PP2D1: variants seen among roughly 807,000 people sequenced by gnomAD.
PP2D1 encodes protein phosphatase 2C-like domain-containing protein 1.
Under a neutral mutation model 30.2 loss-of-function variants are expected in PP2D1, and 25 were observed. The ratio of observed to expected loss-of-function variants is 0.83; its 90% CI spans 0.60 to 1.16. The LOEUF (loss-of-function observed/expected upper bound fraction) is 1.16. Ranked by LOEUF, PP2D1 falls within the 50% of genes most tolerant of loss-of-function variation. The pLI is 0.00. For missense variants in PP2D1, 760 were observed against 742.4 expected, an observed-to-expected ratio of 1.02 and a Z score of -0.28; for synonymous variants, 260 against 258.9, an observed-to-expected ratio of 1.00 and a Z score of -0.04.
At position 20,002,112 on chromosome 3, in the gene PP2D1, A is replaced by C; in HGVS notation, c.24-16T>G. The C allele has an allele frequency of 6.7e-7, 1 of 1,489,936 alleles. No individual in the cohort carries two copies. Among genetic ancestry groups the C allele is most frequent in the Non-Finnish European group, 9.0e-7 (1 of 1,108,980 alleles). The allele number at this position is 1,489,936 out of a possible 1,614,324, so 92.3% of individuals were successfully genotyped here. A position where few individuals can be genotyped will look rare whatever the true frequency, so the allele number is the denominator to read the frequency against. ...CCAAAACACTCTGCAAACAGGATGAAAGATATTTACATGCCAGGATGATGC... is the reference window on the plus strand; with the variant it reads ...CCAAAACACTCTGCAAACAGGATGACAGATATTTACATGCCAGGATGATGC... On this transcript the variant is annotated splice_polypyrimidine_tract_variant and intron_variant, in intron 1 of 2. Transcript: ENST00000389050.
intron 2 of PP2D1, among the ~76,000 whole-genome samples, chr3:20,000,550 C>T (rs1697238149): frequency 6.6e-6 from 1 of 152,172 alleles, no homozygotes; most frequent in Non-Finnish European, 1.5e-5. Flanking sequence ...AACTATTATT[C>T]TCTCTGAGAT....
At chr3:19,992,727 T>C (rs1697133022) in intron 2 of PP2D1, among the ~76,000 whole-genome samples, 2 of 152,264 alleles carry the variant, frequency 1.3e-5, no homozygotes, top group African/African-American at 2.4e-5. Flanking sequence ...TCACTGGTTA[T>C]ATAACCTTGT....
chr3:19,985,973 G>A lies in PP2D1; in HGVS notation c.1300C>T (p.Pro434Ser). The change falls in exon 3 of 3, where the codon CCA (proline) becomes TCA (serine). Residue 434 changes from proline to serine, a missense_variant. Physicochemically the swap from Pro to Ser is moderately conservative, Grantham distance 74 (BLOSUM62 -1). Around this residue, in one of 3 missense-constraint regions of PP2D1, gnomAD observed 369 missense variants for 316.2 expected, o/e 1.17. Transcript: ENST00000389050. ...GGGACAGAAATAGTTTGAGGTGCTG[G>A]GATAATGGATTTTTTCAGCTTGAGA... ...GNLKLKKSII[P>S]APQTISVPID... 6.5e-7 allele frequency: 1 copy of A among 1,536,138 alleles called. No individual in the cohort carries two copies. The highest frequency in any genetic ancestry group is 8.7e-7 in the Non-Finnish European group (1 of 1,146,876).
At position 19,986,182 on chromosome 3, in the gene PP2D1, C is replaced by A; in HGVS notation, c.1091G>T (p.Gly364Val). Residue 364 changes from glycine to valine, a missense_variant and splice_region_variant, in exon 3 of 3, where the codon GGT becomes GTT. This residue lies in a region of PP2D1 where 369 missense variants were observed against 316.2 expected (regional missense o/e 1.17). Transcript: ENST00000389050. ...TCTGCATAAGACTGCTTGCACATTA[C>A]CTAAAAGATTATTTTTTAAAAGAAG... ...ISGILHVANT[G>V]NVQAVLCRNG... is the part of the protein sequence containing the mutation. 2 of 1,457,380 alleles carry A rather than the reference C, an allele frequency of 1.4e-6. No homozygotes were observed. Among genetic ancestry groups the A allele is most frequent in the Non-Finnish European group, 9.0e-7 (1 of 1,111,674 alleles). 90.3% of individuals were successfully genotyped at this position (1,457,380 alleles called of 1,614,324 possible).
At chr3:19,985,131 T>C (rs1243997631), downstream of PP2D1, 2 of 377,848 alleles carry the variant, frequency 5.3e-6, no homozygotes, top group African/African-American at 4.2e-5. Flanking sequence ...GTGTTTAGTT[T>C]TATATTGAGG....
chr3:19,990,513 C>T (rs1697103584), intron 2 of PP2D1, among the ~76,000 whole-genome samples: 1 of 144,396 alleles, frequency 6.9e-6, no homozygotes, highest in African/African-American at 2.7e-5. Context: ...AAGTAGCCAG[C>T]GTTTCTTAAC....
chr3:19,994,973 G>T (rs1248565737), intron 2 of PP2D1, among the ~76,000 whole-genome samples: 1 of 152,204 alleles, frequency 6.6e-6, no homozygotes, highest in African/African-American at 2.4e-5. Flanking sequence ...CAACCAGCCA[G>T]ACTGAAAAGA....
intron 2 of PP2D1, among the ~76,000 whole-genome samples, chr3:19,999,081 C>CT (rs63201460): frequency 0.22 from 29,408 of 135,122 alleles, 3,909 homozygotes; most frequent in African/African-American, 0.33. Flanking sequence ...TGTGTCTAGA[C>CT]TTTTTTTTTT....
At chr3:19,993,731 C>CTGTTTGTT (rs531963381) in intron 2 of PP2D1, among the ~76,000 whole-genome samples, 227 of 152,030 alleles carry the variant, frequency 1.5e-3, no homozygotes, top group African/African-American at 5.0e-3. Context: ...CAGAGCAAGA[C>CTGTTTGTT]TGTTTGTTTG....
downstream of PP2D1, chr3:19,984,366 T>C (rs573813685): frequency 7.7e-5 from 28 of 364,596 alleles, no homozygotes; most frequent in Non-Finnish European, 1.4e-4. Context: ...ATATACAAGG[T>C]CAGGGGTGGG....
intron 2 of PP2D1, among the ~76,000 whole-genome samples, chr3:19,991,644 C>T (rs1473222755): frequency 6.6e-6 from 1 of 152,134 alleles, no homozygotes; most frequent in African/African-American, 2.4e-5. Flanking sequence ...AAACTTTTGT[C>T]TATGTGGCCT....
chr3:19,993,803 G>A (rs527696485), intron 2 of PP2D1, among the ~76,000 whole-genome samples: 15 of 152,134 alleles, frequency 9.9e-5, no homozygotes, highest in Admixed American at 1.3e-4. Flanking sequence ...GCAGTAGTGC[G>A]ATCTCAGCTC....
intron 2 of PP2D1, 73 bp from the exon 3 acceptor site, chr3:19,986,255 CTT>C: frequency 8.9e-7 from 1 of 1,129,248 alleles, no homozygotes; most frequent in Non-Finnish European, 1.2e-6. Flanking sequence ...CTACTGCTAA[CTT>C]TAGTAAATTC....
chr3:19,985,381 T>G lies in PP2D1; in HGVS notation c.1892A>C (p.Ter631SerextTer?). 6.6e-7 allele frequency: 1 copy of G among 1,516,170 alleles called. No individual in the cohort carries two copies. Among genetic ancestry groups the G allele is most frequent in the East Asian group, 2.5e-5 (1 of 40,708 alleles). 93.9% of individuals were successfully genotyped at this position (1,516,170 alleles called of 1,614,324 possible). A position where few individuals can be genotyped will look rare whatever the true frequency, so the allele number is the denominator to read the frequency against. ...CTGGATAATTGGAACTTTATTTTTT[T>G]ATGTCAGAAGCTGATATTCACTTCC... ...LNGSEYQLLT* is the reference protein window; with the variant it reads ...LNGSEYQLLTS Residue 631 changes from the stop codon to serine (S), a stop_lost, in exon 3 of 3, where the codon TAA becomes TCA. Transcript: ENST00000389050.
downstream of PP2D1, chr3:19,983,795 CA>C: frequency 6.2e-7 from 1 of 1,610,074 alleles, no homozygotes; most frequent in East Asian, 2.2e-5. Context: ...CCCACACAAC[CA>C]ACCAGGAATC....
chr3:20,005,803 A>G (rs896464817), intron 1 of PP2D1, among the ~76,000 whole-genome samples: 144 of 152,328 alleles, frequency 9.5e-4, no homozygotes, highest in African/African-American at 3.2e-3. Context: ...TAGAAAACAA[A>G]AGAATGTTTT....
At chr3:19,982,945 ATGTT>A (rs1322269326), downstream of PP2D1, among the ~76,000 whole-genome samples, 14 of 152,290 alleles carry the variant, frequency 9.2e-5, no homozygotes, top group Non-Finnish European at 1.8e-4. Context: ...GTTCTAAAAA[ATGTT>A]TGTGGCAGTC....
chr3:20,001,193 C>G lies in PP2D1; in HGVS notation c.927G>C (p.Trp309Cys). The change falls in exon 2 of 3, where the codon TGG (tryptophan) becomes TGC (cysteine). Residue 309 changes from tryptophan (W) to cysteine (C), a missense_variant. Coordinates refer to ENST00000389050, the MANE Select transcript of PP2D1 (RefSeq NM_001252657.2). The part of the protein sequence containing the change: ...LGRKEVSRVQ[W>C]SGCSAVTCIL... The stretch of plus-strand genomic sequence containing the variant: ...TACAAGTAACTGCAGAGCAGCCACT[C>G]CATTGAACCCTGGACACTTCTTTTC... 6.6e-7 allele frequency: 1 copy of G among 1,526,034 alleles called. No homozygotes were observed. Among genetic ancestry groups the G allele is most frequent in the Non-Finnish European group, 8.7e-7 (1 of 1,143,010 alleles). 94.5% of individuals were successfully genotyped at this position (1,526,034 alleles called of 1,614,324 possible).
chr3:20,009,927 A>C (rs1162435165), intron 1 of PP2D1, among the ~76,000 whole-genome samples: 1 of 152,178 alleles, frequency 6.6e-6, no homozygotes, highest in Admixed American at 6.5e-5. Context: ...AATTTTGGGA[A>C]GCCTTCATGG....
Sources: gnomAD v4.1 joint callset for allele counts (sites outside exome capture counted in the v4.1 genomes callset) on GRCh38, gnomAD v4.1.1 for gene constraint, gnomAD v4.1.1 regional missense constraint, MANE v1.5 for transcripts, NCBI Gene and HGNC (gene_info 2026-07-23, HGNC 2026-07-21) for gene names.